The following ASIP variants were observed in gnomAD, a reference collection of about 807,000 sequenced individuals.
ASIP encodes agouti signaling protein.
In ASIP, 11 loss-of-function variants were observed where a neutral mutation model predicts 10.3. That is an observed-to-expected ratio of 1.07 (90% CI 0.68 to 1.78). The LOEUF (loss-of-function observed/expected upper bound fraction) is 1.78, where lower values mean the gene tolerates loss of function less well. Ranked by LOEUF, ASIP falls within the 40% of genes most tolerant of loss-of-function variation. ASIP has a pLI of 0.00. For missense variants in ASIP, 180 were observed against 169.2 expected, an observed-to-expected ratio of 1.06 and a Z score of -0.35; for synonymous variants, 70 against 70.8, an observed-to-expected ratio of 0.99 and a Z score of 0.06.
At chr20:34,188,260 G>T in the ASIP span, among the ~76,000 whole-genome samples, 1 of 152,202 alleles carries the variant, frequency 6.6e-6, no homozygotes. Context: ...AGTTTTTTCA[G>T]TTTACTTGGG....
At chr20:34,222,969 G>A (rs1409586156) in intron 1 of ASIP, among the ~76,000 whole-genome samples, 1 of 152,086 alleles carries the variant, frequency 6.6e-6, no homozygotes, top group African/African-American at 2.4e-5. Context: ...GCGTGATCTC[G>A]GCTCACTACA....
chr20:34,235,840 A>AGAAGGAAG (rs1410217651), intron 1 of ASIP, among the ~76,000 whole-genome samples: 4 of 53,788 alleles, frequency 7.4e-5, no homozygotes, highest in African/African-American at 3.8e-4. Context: ...AAAGAAAGAA[A>AGAAGGAAG]GAAGGAAGGA....
chr20:34,253,340 T>C (rs1427013434), intron 1 of ASIP, among the ~76,000 whole-genome samples: 1 of 151,826 alleles, frequency 6.6e-6, no homozygotes, highest in Non-Finnish European at 1.5e-5. Context: ...TCTCCTGACC[T>C]CATGATCCGC....
In ASIP at chr20:34,235,852, GGAAGGAAGGAAGGA is replaced by G. The variant is rs1475686790; in HGVS notation, c.-10-24512_-10-24499del. 1.5e-4 allele frequency among the ~76,000 whole-genome samples: 6 copies of G among 39,652 alleles called. No individual in the cohort carries two copies. In the African/African-American group the frequency reaches 2.0e-3, roughly 13 times the overall value. The allele number at this position is 39,652 out of a possible 152,430, so 26.0% of individuals were successfully genotyped here. ...AAGAAAGAAAGAAAGAAGGAAGGAAGGAAGGAAGGAAGGAAAGGAAGGAAGGAAGGAAGGAAGGA... is the reference window on the plus strand; with the variant it reads ...AAGAAAGAAAGAAAGAAGGAAGGAAGAAGGAAGGAAGGAAGGAAGGAAGGA... On this transcript the variant is annotated intron_variant, in intron 1 of 3. Coordinates refer to the ASIP transcript ENST00000568305.
chr20:34,236,407 G>A (rs1180962157), intron 1 of ASIP, among the ~76,000 whole-genome samples: 1 of 152,190 alleles, frequency 6.6e-6, no homozygotes, highest in Non-Finnish European at 1.5e-5. Flanking sequence ...AGCCAGGCAT[G>A]GTGGTGCGTG....
rs964933206 is a variant in ASIP at position 34,269,331 on chromosome 20, A to C, written c.*164A>C. Reference sequence around the variant, plus strand: ...GCTTGGGCTAAAATCGAAATACAATATATATAGGCTGCTCGAAGGTGTGCG... The same window carrying C: ...GCTTGGGCTAAAATCGAAATACAATCTATATAGGCTGCTCGAAGGTGTGCG... On this transcript the variant is annotated 3_prime_UTR_variant, in exon 4 of 4. Coordinates refer to ENST00000374954, the MANE Select transcript of ASIP (RefSeq NM_001672.3). The C allele has an allele frequency of 7.0e-6, 6 of 859,788 alleles. No individual in the cohort carries two copies. The highest frequency in any genetic ancestry group is 1.0e-5 in the Non-Finnish European group (6 of 602,624). 53.3% of individuals were successfully genotyped at this position (859,788 alleles called of 1,614,324 possible).
chr20:34,190,352 C>G (rs565048364), upstream of ASIP, among the ~76,000 whole-genome samples: 2 of 152,192 alleles, frequency 1.3e-5, no homozygotes, highest in South Asian at 4.2e-4. Context: ...TTCCAAAGCC[C>G]CAGAAAAATA....
chr20:34,191,314 C>T (rs2034823293), upstream of ASIP, among the ~76,000 whole-genome samples: 1 of 152,184 alleles, frequency 6.6e-6, no homozygotes, highest in Admixed American at 6.5e-5. Context: ...CCTGTCACCC[C>T]TGGCGCTCTT....
At chr20:34,268,612 T>C (rs1369089100) in intron 3 of ASIP, among the ~76,000 whole-genome samples, 1 of 151,170 alleles carries the variant, frequency 6.6e-6, no homozygotes, top group Non-Finnish European at 1.5e-5. Context: ...GGTGCGCACA[T>C]GTGGTCCCAG....
intron 3 of ASIP, among the ~76,000 whole-genome samples, chr20:34,266,812 C>A (rs1349554677): frequency 6.6e-6 from 1 of 152,230 alleles, no homozygotes; most frequent in African/African-American, 2.4e-5. Context: ...AATTCAGGAT[C>A]ATTTAACATT....
chr20:34,211,744 C>T (rs2034975782), intron 1 of ASIP, among the ~76,000 whole-genome samples: 1 of 152,066 alleles, frequency 6.6e-6, no homozygotes, highest in Non-Finnish European at 1.5e-5. Flanking sequence ...TATGTTGTTT[C>T]CTTTGAGAAA....
chr20:34,189,527 C>G, the ASIP span, among the ~76,000 whole-genome samples: 1 of 152,018 alleles, frequency 6.6e-6, no homozygotes, highest in East Asian at 1.9e-4. Flanking sequence ...CAGGCATGAG[C>G]CACCACACCT....
chr20:34,193,033 A>T (rs147212691), upstream of ASIP, among the ~76,000 whole-genome samples: 1 of 152,304 alleles, frequency 6.6e-6, no homozygotes, highest in East Asian at 1.9e-4. Flanking sequence ...GCTACCCAAC[A>T]CTAGATCTTA....
chr20:34,205,604 C>T (rs1216116614), intron 1 of ASIP, among the ~76,000 whole-genome samples: 1 of 115,588 alleles, frequency 8.7e-6, no homozygotes, highest in East Asian at 2.3e-4. Context: ...TGGTTGCCTG[C>T]TTTTATTCCC....
upstream of ASIP, among the ~76,000 whole-genome samples, chr20:34,241,039 G>T (rs767740821): frequency 1.3e-5 from 2 of 152,124 alleles, no homozygotes; most frequent in African/African-American, 2.4e-5. Flanking sequence ...TGCTATCCAC[G>T]GACAGGAAAG....
intron 1 of ASIP, among the ~76,000 whole-genome samples, chr20:34,234,502 CTCCT>C (rs145098261): frequency 0.14 from 20,915 of 151,120 alleles, 1,467 homozygotes; most frequent in South Asian, 0.2. Flanking sequence ...CTTTTCTTTT[CTCCT>C]TCCTTCCTTC....
chr20:34,246,984 TG>T (rs2035386906), intron 1 of ASIP, among the ~76,000 whole-genome samples: 1 of 150,620 alleles, frequency 6.6e-6, no homozygotes, highest in Admixed American at 6.6e-5. Context: ...TGTTGGTTTT[TG>T]TTTTTTTGTT....
intron 1 of ASIP, among the ~76,000 whole-genome samples, chr20:34,216,614 A>T (rs566369005): frequency 6.6e-6 from 1 of 152,194 alleles, no homozygotes; most frequent in Non-Finnish European, 1.5e-5. Flanking sequence ...ATGGAATGCC[A>T]TAGGGGTTAG....
chr20:34,263,863 G>T (rs907328951), intron 3 of ASIP, among the ~76,000 whole-genome samples: 1 of 151,702 alleles, frequency 6.6e-6, no homozygotes, highest in Non-Finnish European at 1.5e-5. Flanking sequence ...TAGAGATGGG[G>T]TTTCGCCAAG....
Sources: allele counts gnomAD v4.1 joint callset (sites outside exome capture counted in the v4.1 genomes callset), GRCh38; gene constraint gnomAD v4.1.1; transcripts MANE v1.5; gene names NCBI Gene and HGNC (gene_info 2026-07-23, HGNC 2026-07-21).